FREM1: variants seen among roughly 807,000 people sequenced by gnomAD.
FREM1 encodes the protein FRAS1 related extracellular matrix 1.
FREM1 carries 220 observed loss-of-function variants against 210.1 expected under a neutral mutation model. The ratio of observed to expected loss-of-function variants is 1.05; its 90% confidence interval spans 0.94 to 1.17. The LOEUF (loss-of-function observed/expected upper bound fraction) is 1.17, where lower values mean the gene tolerates loss of function less well. Among genes scored for constraint, FREM1 ranks in the 50% most tolerant of loss-of-function variants. The pLI is 0.00. For synonymous variants in FREM1, 1,189 were observed against 980.2 expected, an observed-to-expected ratio of 1.21 and a Z score of -3.98; for missense variants, 3,454 against 2,675.5, an observed-to-expected ratio of 1.29 and a Z score of -6.42.
intron 19 of FREM1, among the ~76,000 whole-genome samples, chr9:14,803,778 T>G (rs1185277295): frequency 6.6e-6 from 1 of 152,188 alleles, no homozygotes; most frequent in Non-Finnish European, 1.5e-5. Context: ...TATATGATAC[T>G]TGTGCTAAAA....
Position 14,873,374 on chromosome 9 carries a change from A to C in FREM1, c.-267-4130T>G, listed in dbSNP as rs1833078435. Among the ~76,000 whole-genome samples the C allele has an allele frequency of 3.3e-5, 5 of 152,110 alleles. No homozygotes were observed. The South Asian group carries it at 1.0e-3, about 32-fold the overall frequency. On this transcript the variant is annotated intron_variant, in intron 1 of 36. Transcript: ENST00000380880. ...CTGTTATTGGTCTATTCAGAGATTC[A>C]ACTTCTTCCTGGTTTAGTCTTCGGA...
intron 24 of FREM1, among the ~76,000 whole-genome samples, chr9:14,780,663 C>G (rs1003771208): frequency 6.6e-5 from 10 of 152,052 alleles, no homozygotes; most frequent in South Asian, 6.2e-4. Context: ...ATTAAACTCC[C>G]CCATTTAATT....
At position 14,819,484 on chromosome 9, in the gene FREM1, A is replaced by G. The variant is rs150129084; in HGVS notation, c.2338-42T>C. ...AAGGAAACATTCAAAGCCTTTTTCC[A>G]TGACCCCTGAAGACAGAGCTCATTA... On this transcript the variant is annotated intron_variant, in intron 13 of 36. Coordinates refer to ENST00000380880, the MANE Select transcript of FREM1 (RefSeq NM_001379081.2). 1.9e-3 allele frequency: 2,379 copies of G among 1,277,034 alleles called. 25 individuals are homozygous for G. In the African/African-American group the frequency reaches 0.024, roughly 13 times the overall value. The allele number at this position is 1,277,034 out of a possible 1,614,324, so 79.1% of individuals were successfully genotyped here.
intron 1 of FREM1, among the ~76,000 whole-genome samples, chr9:14,895,725 T>C (rs907783647): frequency 1.3e-5 from 2 of 152,046 alleles, no homozygotes; most frequent in Admixed American, 6.6e-5. Flanking sequence ...ATATCACCTT[T>C]TGTTGGAACT....
In FREM1 at chr9:14,808,071, G is replaced by C. The variant is rs756400158; in HGVS notation, c.2957C>G (p.Ala986Gly). 1 of 1,613,566 alleles carries C rather than the reference G, an allele frequency of 6.2e-7. No individual in the cohort carries two copies. Among genetic ancestry groups the C allele is most frequent in the Non-Finnish European group, 8.5e-7 (1 of 1,179,662 alleles). Residue 986 changes from alanine to glycine, a missense_variant, in exon 17 of 37, where the codon GCT (alanine) becomes GGT (glycine). Ala to Gly is a moderately conservative substitution (Grantham distance 60). Coordinates refer to ENST00000380880, the MANE Select transcript of FREM1 (RefSeq NM_001379081.2). ...TITLVVSDGEAGPFVNGCCYN... is the reference protein window; with the variant it reads ...TITLVVSDGEGGPFVNGCCYN... ...GCAACAGCCATTCACAAAAGGGCCAGCCTCTCCATCCGAAACCACCAATGT... is the reference window on the plus strand; with the variant it reads ...GCAACAGCCATTCACAAAAGGGCCACCCTCTCCATCCGAAACCACCAATGT...
intron 27 of FREM1, among the ~76,000 whole-genome samples, chr9:14,765,482 T>C (rs1563867741): frequency 6.6e-6 from 1 of 152,224 alleles, no homozygotes; most frequent in South Asian, 2.1e-4. Context: ...TTAGTTAGTA[T>C]GTATAAAGCA....
In FREM1 at chr9:14,789,121, G is replaced by C; in HGVS notation, c.3982-7C>G. ...GAACCCAGTCCCTCCCTATCTGGAA[G>C]GAGCCAGAGTTAGTCAGCTGCTCAT... On this transcript the variant is annotated splice_region_variant and splice_polypyrimidine_tract_variant and intron_variant, in intron 22 of 36. Coordinates refer to ENST00000380880, the MANE Select transcript of FREM1 (RefSeq NM_001379081.2). 1 of 1,567,322 alleles carries C rather than the reference G, an allele frequency of 6.4e-7. No homozygotes were observed. The highest frequency in any genetic ancestry group is 1.8e-5 in the Admixed American group (1 of 54,478).
At chr9:14,850,428 T>C (rs1487741470) in intron 6 of FREM1, 1 of 149,294 alleles carries the variant, frequency 6.7e-6, no homozygotes, top group Non-Finnish European at 1.5e-5. Flanking sequence ...AAAAGAATTG[T>C]GTGCTCACCT....
At chr9:14,833,641 C>T (rs1368328804) in intron 10 of FREM1, among the ~76,000 whole-genome samples, 1 of 152,130 alleles carries the variant, frequency 6.6e-6, no homozygotes, top group Admixed American at 6.5e-5. Context: ...ATCTTTACTG[C>T]TTGGTGTAGC....
chr9:14,876,161 C>T (rs1049242912), intron 1 of FREM1, among the ~76,000 whole-genome samples: 2 of 152,148 alleles, frequency 1.3e-5, no homozygotes, highest in Non-Finnish European at 2.9e-5. Flanking sequence ...TCTGCCCATT[C>T]TCAGATCTCC....
chr9:14,763,151 C>T (rs1324956580), intron 27 of FREM1, among the ~76,000 whole-genome samples: 1 of 152,168 alleles, frequency 6.6e-6, no homozygotes, highest in South Asian at 2.1e-4. Flanking sequence ...GAGGGGAAAA[C>T]TCCCTAAGCC....
chr9:14,835,321 T>G (rs1173330706), intron 10 of FREM1, among the ~76,000 whole-genome samples: 2 of 152,234 alleles, frequency 1.3e-5, no homozygotes, highest in Non-Finnish European at 2.9e-5. Flanking sequence ...CTCTAGAATT[T>G]GGAGACTATC....
At chr9:14,864,274 A>T (rs1057095713) in intron 2 of FREM1, among the ~76,000 whole-genome samples, 2 of 152,182 alleles carry the variant, frequency 1.3e-5, no homozygotes, top group African/African-American at 4.8e-5. Context: ...TGAGTTAGAG[A>T]GTTCTTTCTG....
chr9:14,819,098 GACCCGTT>G (rs563032809), intron 14 of FREM1, 129 bp downstream of exon 14: 36 of 533,140 alleles, frequency 6.8e-5, no homozygotes, highest in Non-Finnish European at 1.2e-4. Context: ...ATTTTCAACT[GACCCGTT>G]GAGTGTGTTA....
At chr9:14,840,679 G>A (rs1287588071) in intron 10 of FREM1, among the ~76,000 whole-genome samples, 2 of 152,026 alleles carry the variant, frequency 1.3e-5, no homozygotes, top group East Asian at 3.9e-4. Flanking sequence ...ATTTGGGTGG[G>A]GACACAGCCA....
chr9:14,782,347 T>C (rs1849768752), intron 24 of FREM1: 1 of 983,094 alleles, frequency 1.0e-6, no homozygotes, highest in Non-Finnish European at 1.2e-6. Flanking sequence ...TTGTTCTTTA[T>C]TCTCACCATT....
chr9:14,845,262 C>A (rs372324157), intron 8 of FREM1, among the ~76,000 whole-genome samples: 6 of 152,124 alleles, frequency 3.9e-5, no homozygotes, highest in African/African-American at 1.4e-4. Flanking sequence ...AATAACATAA[C>A]ATCATTATTA....
At position 14,868,803 on chromosome 9, in the gene FREM1, T is replaced by C. The variant is rs1369293532; in HGVS notation, c.175A>G (p.Lys59Glu). Reference protein sequence around the residue: ...FAIPKEKDACKVEVVMNEPIT... With the variant: ...FAIPKEKDACEVEVVMNEPIT... ...GGCTCATTCATCACAACTTCCACTTTGCAGGCATCTTTCTCTTTAGGGATG... is the reference window on the plus strand; with the variant it reads ...GGCTCATTCATCACAACTTCCACTTCGCAGGCATCTTTCTCTTTAGGGATG... The change falls in exon 2 of 37, where the codon AAA (lysine) becomes GAA (glutamate). Residue 59 changes from lysine to glutamate, a missense_variant. Lys to Glu is a moderately conservative substitution (Grantham distance 56). Coordinates refer to ENST00000380880, the MANE Select transcript of FREM1 (RefSeq NM_001379081.2). The C allele has an allele frequency of 3.1e-6, 5 of 1,613,100 alleles. No individual in the cohort carries two copies. The highest frequency in any genetic ancestry group is 2.2e-5 in the East Asian group (1 of 44,896).
intron 36 of FREM1, 134 bp downstream of exon 36, chr9:14,740,015 G>T (rs920553206): frequency 6.3e-6 from 3 of 476,956 alleles, no homozygotes; most frequent in African/African-American, 5.9e-5. Context: ...AAGATAAATG[G>T]CTAGATCTAT....
Sources: allele counts gnomAD v4.1 joint callset (sites outside exome capture counted in the v4.1 genomes callset), GRCh38; gene constraint gnomAD v4.1.1; transcripts MANE v1.5; gene names NCBI Gene and HGNC (gene_info 2026-07-23, HGNC 2026-07-21).